The following CACNA2D4 variants were observed in gnomAD, a reference collection of about 807,000 sequenced individuals.
CACNA2D4 encodes the protein calcium voltage-gated channel auxiliary subunit alpha2delta 4.
A neutral mutation model predicts 163.8 loss-of-function variants in CACNA2D4; 157 were observed. That is an observed-to-expected ratio of 0.96 (90% confidence interval 0.84 to 1.09). The LOEUF is 1.09. CACNA2D4 is among the 50% of genes least tolerant of loss of function. The pLI, the probability that CACNA2D4 is intolerant of heterozygous loss-of-function variation, is 0.00. For synonymous variants in CACNA2D4, 598 were observed against 586.9 expected (o/e 1.02, Z -0.27); for missense variants, 1,410 against 1,479.9 (o/e 0.95, Z 0.78).
intron 26 of CACNA2D4, chr12:1,827,839 G>A (rs1342900082): frequency 2.9e-6 from 1 of 346,090 alleles, no homozygotes; most frequent in African/African-American, 2.1e-5. Flanking sequence ...TGCACCCCCA[G>A]CTTTGCGGCA....
chr12:1,800,999 ACTGGCTGG>A, intron 31 of CACNA2D4, 36 bp downstream of exon 31: 2 of 1,568,956 alleles, frequency 1.3e-6, no homozygotes, highest in Non-Finnish European at 1.8e-6. Flanking sequence ...AGGGCAGAGG[ACTGGCTGG>A]CTGGCTGGCA....
chr12:1,899,849 T>C (rs1565736254), intron 6 of CACNA2D4, among the ~76,000 whole-genome samples: 3 of 151,466 alleles, frequency 2.0e-5, no homozygotes, highest in African/African-American at 7.3e-5. Flanking sequence ...ATTTCACTTA[T>C]AAATATAGAA....
intron 1 of CACNA2D4, among the ~76,000 whole-genome samples, chr12:1,916,475 A>T (rs1249319839): frequency 1.3e-5 from 2 of 152,168 alleles, no homozygotes; most frequent in Non-Finnish European, 2.9e-5. Context: ...AGGGATTGAA[A>T]TTCTGAGGGC....
At chr12:1,816,913 A>G (rs923990191) in intron 26 of CACNA2D4, among the ~76,000 whole-genome samples, 1 of 152,252 alleles carries the variant, frequency 6.6e-6, no homozygotes, top group Non-Finnish European at 1.5e-5. Flanking sequence ...GCACATGCAC[A>G]CATACGTACA....
rs148205340 is a variant in CACNA2D4 at position 1,851,424 on chromosome 12, G to A, written c.2246+2527C>T. The stretch of plus-strand genomic sequence containing the variant: ...TCATTCTCCATATGGCTCTCAAACC[G>A]GTTATTTAAAAATCCATCTTTCCTT... On this transcript the variant is annotated intron_variant, in intron 23 of 37. Transcript: ENST00000382722. 7.0e-4 allele frequency among the ~76,000 whole-genome samples: 106 copies of A among 152,242 alleles called. 1 individual carries two copies. In the East Asian group the frequency reaches 0.01, roughly 15 times the overall value.
chr12:1,858,696 G>T, intron 19 of CACNA2D4, 52 bp from the exon 20 acceptor site: 1 of 1,465,908 alleles, frequency 6.8e-7, no homozygotes, highest in Non-Finnish European at 9.3e-7. Context: ...ATGCCGGCCT[G>T]TCTCCCGGGC....
intron 26 of CACNA2D4, among the ~76,000 whole-genome samples, chr12:1,823,616 A>T (rs1864200136): frequency 6.8e-6 from 1 of 146,076 alleles, no homozygotes; most frequent in South Asian, 2.2e-4. Flanking sequence ...CCCTCACCTC[A>T]GCACACAACC....
intron 26 of CACNA2D4, chr12:1,831,348 G>A (rs41276696): frequency 0.041 from 65,535 of 1,613,810 alleles, 1,537 homozygotes; most frequent in Admixed American, 0.054. Context: ...TGGTCTTTTC[G>A]ACGGGCTCCT....
In CACNA2D4 at chr12:1,809,344, T is replaced by C. The variant is rs927761492; in HGVS notation, c.2721+934A>G. The C allele has an allele frequency of 2.7e-5, 16 of 599,604 alleles. No individual in the cohort carries two copies. The Admixed American group carries it at 3.6e-4, about 14-fold the overall frequency. 37.1% of individuals were successfully genotyped at this position (599,604 alleles called of 1,614,324 possible). ...AGCTGGGGCTGGCTTAGACACTGTG[T>C]AGTCCAGCCCCCGGCGAGACACAGC... On this transcript the variant is annotated intron_variant, in intron 29 of 37. Transcript: ENST00000382722.
chr12:1,905,631 ATTAAC>A (rs930424247), intron 6 of CACNA2D4, among the ~76,000 whole-genome samples: 2 of 152,200 alleles, frequency 1.3e-5, no homozygotes, highest in African/African-American at 4.8e-5. Context: ...ATACTTAGGA[ATTAAC>A]TTAACCAATG....
chr12:1,862,654 C>T (rs1424996968), intron 18 of CACNA2D4, among the ~76,000 whole-genome samples: 1 of 152,176 alleles, frequency 6.6e-6, no homozygotes, highest in African/African-American at 2.4e-5. Context: ...CTCAAGCGAC[C>T]TGCTTACCTC....
chr12:1,870,879 G>T (rs1865754885), intron 18 of CACNA2D4, among the ~76,000 whole-genome samples: 1 of 152,098 alleles, frequency 6.6e-6, no homozygotes, highest in Non-Finnish European at 1.5e-5. Flanking sequence ...GACTCCTTCT[G>T]CCGGACAAAA....
intron 1 of CACNA2D4, among the ~76,000 whole-genome samples, chr12:1,915,670 C>A (rs1203143273): frequency 6.6e-6 from 1 of 152,232 alleles, no homozygotes; most frequent in Non-Finnish European, 1.5e-5. Context: ...CACACCTCAC[C>A]CTCTGTGTAG....
At chr12:1,796,137 T>C (rs7137757) in intron 35 of CACNA2D4, among the ~76,000 whole-genome samples, 19,705 of 152,126 alleles carry the variant, frequency 0.13, 1,380 homozygotes, top group East Asian at 0.25. Flanking sequence ...TTGCTCTGGG[T>C]GAGGGTGGCG....
intron 6 of CACNA2D4, among the ~76,000 whole-genome samples, chr12:1,907,141 T>A (rs139474026): frequency 2.6e-4 from 39 of 152,390 alleles, no homozygotes; most frequent in African/African-American, 8.9e-4. Flanking sequence ...AATTGTTTTA[T>A]CCTTCTTTGT....
At chr12:1,881,795 G>A (rs944116223) in intron 13 of CACNA2D4, among the ~76,000 whole-genome samples, 4 of 152,266 alleles carry the variant, frequency 2.6e-5, no homozygotes, top group African/African-American at 4.8e-5. Context: ...GAGCATGGCC[G>A]TGTTGGCGGA....
At chr12:1,871,641 C>T (rs1865787920) in intron 18 of CACNA2D4, among the ~76,000 whole-genome samples, 1 of 148,868 alleles carries the variant, frequency 6.7e-6, no homozygotes. Flanking sequence ...ACGCGTGTTA[C>T]TGGTGTGTGT....
chr12:1,856,163 C>G (rs376997104), intron 21 of CACNA2D4, 21 bp downstream of exon 21: 1 of 1,614,014 alleles, frequency 6.2e-7, no homozygotes, highest in East Asian at 2.2e-5. Flanking sequence ...GTCTCCCTCC[C>G]ATTTTTTACT....
chr12:1,880,511 G>A (rs879866473), intron 13 of CACNA2D4, among the ~76,000 whole-genome samples: 1 of 152,374 alleles, frequency 6.6e-6, no homozygotes, highest in Non-Finnish European at 1.5e-5. Flanking sequence ...GGCTGGGCTC[G>A]CCGTGCCGGC....
Sources: allele counts gnomAD v4.1 joint callset (sites outside exome capture counted in the v4.1 genomes callset), GRCh38; gene constraint gnomAD v4.1.1; transcripts MANE v1.5; gene names NCBI Gene and HGNC (gene_info 2026-07-23, HGNC 2026-07-21).